DIP2A: variants seen among roughly 807,000 people sequenced by gnomAD.
DIP2A encodes the protein DIP2 acetate--CoA ligase A.
DIP2A carries 85 observed loss-of-function variants against 177.4 expected under a neutral mutation model. The ratio of observed to expected loss-of-function variants is 0.48; its 90% confidence interval spans 0.40 to 0.57. The LOEUF is 0.57. Ranked by LOEUF, DIP2A falls within the 20% of genes least tolerant of loss-of-function variation. The pLI is 0.00. For synonymous variants in DIP2A, 886 were observed against 881.8 expected, an observed-to-expected ratio of 1.00 and a Z score of -0.08; for missense variants, 1,791 against 2,100.2, an observed-to-expected ratio of 0.85 and a Z score of 2.88.
At chr21:46,546,102 G>A in intron 20 of DIP2A, 141 bp downstream of exon 20, 1 of 1,502,934 alleles carries the variant, frequency 6.7e-7, no homozygotes, top group Non-Finnish European at 8.9e-7. Context: ...TGACCTCCCT[G>A]CCCATCACCC....
chr21:46,554,475 C>G (rs7280382), intron 26 of DIP2A, 100 bp from the exon 27 acceptor site: 432,508 of 1,545,854 alleles, frequency 0.28, 62,417 homozygotes, highest in Admixed American at 0.32. Context: ...CCCATGCCCC[C>G]CCAGCACCAC....
intron 7 of DIP2A, among the ~76,000 whole-genome samples, chr21:46,511,069 C>T (rs1601594257): frequency 6.6e-6 from 1 of 152,142 alleles, no homozygotes; most frequent in Admixed American, 6.6e-5. Context: ...GCTGTGGATA[C>T]CTGGCTGTTC....
chr21:46,554,152 A>T lies in DIP2A; in HGVS notation c.3031-17A>T. 6.2e-7 allele frequency: 1 copy of T among 1,611,424 alleles called. No individual in the cohort carries two copies. The highest frequency in any genetic ancestry group is 8.5e-7 in the Non-Finnish European group (1 of 1,178,340). ...CACGCACCAGCATACAGATGAGCTC[A>T]AAGATCGCTTTCCTAGGGCACCGTC... is the stretch of plus-strand genomic sequence containing the variant. On this transcript the variant is annotated splice_polypyrimidine_tract_variant and intron_variant, in intron 25 of 37. Transcript: ENST00000417564.
At chr21:46,583,420 A>G in the DIP2A span, among the ~76,000 whole-genome samples, 3 of 152,216 alleles carry the variant, frequency 2.0e-5, no homozygotes, top group African/African-American at 4.8e-5. Context: ...TCAACTGCAC[A>G]TAGAACATTC....
intron 8 of DIP2A, among the ~76,000 whole-genome samples, chr21:46,521,385 C>T (rs1344513501): frequency 6.6e-6 from 1 of 152,162 alleles, no homozygotes; most frequent in East Asian, 1.9e-4. Flanking sequence ...GACCGGTTTT[C>T]ACCATGTTGG....
intron 1 of DIP2A, among the ~76,000 whole-genome samples, chr21:46,482,978 G>A (rs151025913): frequency 5.3e-4 from 81 of 152,326 alleles, no homozygotes; most frequent in African/African-American, 1.9e-3. Context: ...TCCTGAACCT[G>A]ATGAGGATTG....
intron 19 of DIP2A, 81 bp from the exon 20 acceptor site, chr21:46,545,800 G>A (rs2060007836): frequency 6.5e-7 from 1 of 1,528,280 alleles, no homozygotes; most frequent in African/African-American, 1.4e-5. Flanking sequence ...GTGGTGCTGA[G>A]CCTCCTGCCG....
At chr21:46,562,137 G>T (rs982224777) in intron 34 of DIP2A, among the ~76,000 whole-genome samples, 1 of 152,178 alleles carries the variant, frequency 6.6e-6, no homozygotes, top group Non-Finnish European at 1.5e-5. Context: ...CACACATTTA[G>T]AGTTAAATGG....
rs748377984 is a variant in DIP2A at position 46,549,809 on chromosome 21, G to A, written c.2561G>A (p.Arg854Gln). The A allele has an allele frequency of 1.4e-5, 23 of 1,613,532 alleles. No homozygotes were observed. The highest frequency in any genetic ancestry group is 5.0e-5 in the Admixed American group (3 of 60,002). Residue 854 changes from arginine (R) to glutamine (Q), a missense_variant, in exon 22 of 38, where the codon CGG becomes CAG. Physicochemically the swap from Arg to Gln is conservative, Grantham distance 43. Coordinates refer to ENST00000417564, the MANE Select transcript of DIP2A (RefSeq NM_015151.4). ...TCTGTGACCGTGCTGCACGACGACC[G>A]GATTGTCCTGGTGGCTGAGCAGCGG... The part of the protein sequence containing the change: ...VFSVTVLHDD[R>Q]IVLVAEQRPD...
chr21:46,576,832 CAGT>C, the DIP2A span, among the ~76,000 whole-genome samples: 5,996 of 152,116 alleles, frequency 0.039, 190 homozygotes, highest in Non-Finnish European at 0.065. Flanking sequence ...TGGTGTGAGA[CAGT>C]AGTATCTCAT....
At chr21:46,542,551 G>T (rs764306690) in intron 18 of DIP2A, among the ~76,000 whole-genome samples, 1 of 152,236 alleles carries the variant, frequency 6.6e-6, no homozygotes, top group South Asian at 2.1e-4. Flanking sequence ...AGGCCTGACC[G>T]TCATGTTAGA....
At chr21:46,558,474 T>G (rs1246556163) in intron 32 of DIP2A, 81 bp downstream of exon 32, 4 of 1,403,460 alleles carry the variant, frequency 2.9e-6, no homozygotes, top group East Asian at 2.5e-5. Flanking sequence ...TAATGTGCCG[T>G]TTTGTAGCCG....
intron 1 of DIP2A, among the ~76,000 whole-genome samples, chr21:46,480,281 C>G (rs7277463): frequency 6.6e-6 from 1 of 151,956 alleles, no homozygotes; most frequent in Non-Finnish European, 1.5e-5. Flanking sequence ...GGCAAGAGGG[C>G]GTGTGCAGGG....
At chr21:46,543,875 C>T (rs1203038360) in intron 18 of DIP2A, among the ~76,000 whole-genome samples, 1 of 152,224 alleles carries the variant, frequency 6.6e-6, no homozygotes, top group Non-Finnish European at 1.5e-5. Context: ...CCAAGCATGG[C>T]TGCATTCTCT....
In DIP2A at chr21:46,563,505, C is replaced by T. The variant is rs773917952; in HGVS notation, c.4090-353C>T. Among the ~76,000 whole-genome samples, 1 of 152,210 alleles carries T rather than the reference C, an allele frequency of 6.6e-6. No individual in the cohort carries two copies. The highest frequency in any genetic ancestry group is 1.5e-5 in the Non-Finnish European group (1 of 68,042). ...CAAGAACTAGGACAGACATGTGCCT[C>T]CTGCAGGGCTGGGCACAGCAGGGTC... is the stretch of plus-strand genomic sequence containing the variant. On this transcript the variant is annotated intron_variant, in intron 34 of 37. Transcript: ENST00000417564. The surrounding 1 kb of genome is among the most constrained non-coding windows in gnomAD (Gnocchi z 4.3).
chr21:46,532,312 A>G, intron 10 of DIP2A, 75 bp downstream of exon 10: 4 of 1,230,890 alleles, frequency 3.2e-6, no homozygotes, highest in Non-Finnish European at 4.6e-6. Context: ...CTTCCTTTTC[A>G]CTCATGTGGG....
In DIP2A at chr21:46,533,936, A is replaced by G. The variant is rs2059452508; in HGVS notation, c.1430-68A>G. 3.0e-6 allele frequency: 4 copies of G among 1,347,694 alleles called. No individual in the cohort carries two copies. The East Asian group carries it at 9.8e-5, about 33-fold the overall frequency. The allele number at this position is 1,347,694 out of a possible 1,614,324, so 83.5% of individuals were successfully genotyped here. A position where few individuals can be genotyped will look rare whatever the true frequency, so the allele number is the denominator to read the frequency against. On this transcript the variant is annotated intron_variant, in intron 11 of 37. Coordinates refer to ENST00000417564, the MANE Select transcript of DIP2A (RefSeq NM_015151.4). ...AGCTAGTGCTGCATGTTGGAGGCGCAGGCTTCGAGTGTGGGGAGCAGATGC... is the reference window on the plus strand; with the variant it reads ...AGCTAGTGCTGCATGTTGGAGGCGCGGGCTTCGAGTGTGGGGAGCAGATGC...
chr21:46,495,203 TC>T (rs1205365056), intron 3 of DIP2A, among the ~76,000 whole-genome samples: 27 of 97,724 alleles, frequency 2.8e-4, no homozygotes, highest in African/African-American at 4.4e-4. Context: ...TCTTCTCTTC[TC>T]TTCTCTTCTC....
intron 6 of DIP2A, among the ~76,000 whole-genome samples, chr21:46,508,805 G>A (rs554827201): frequency 8.6e-5 from 13 of 151,832 alleles, no homozygotes; most frequent in Admixed American, 5.9e-4. Context: ...GGTGGATCAC[G>A]AGGTGAAGAG....
Sources: allele counts gnomAD v4.1 joint callset (sites outside exome capture counted in the v4.1 genomes callset), GRCh38; gene constraint gnomAD v4.1.1; non-coding constraint Gnocchi (gnomAD v3.1); transcripts MANE v1.5; gene names NCBI Gene and HGNC (gene_info 2026-07-23, HGNC 2026-07-21).